SNAI3: variants seen among roughly 807,000 people sequenced by gnomAD.
The protein encoded by SNAI3 is zinc finger protein SNAI3.
In SNAI3, 21 loss-of-function variants were observed where a neutral mutation model predicts 16.4. The observed-to-expected ratio is 1.28, with a 90% CI of 0.91 to 1.85. The LOEUF (loss-of-function observed/expected upper bound fraction) is 1.85. Among genes scored for constraint, SNAI3 ranks in the 40% most tolerant of loss-of-function variants. SNAI3 has a pLI of 0.00. For synonymous variants in SNAI3, 202 were observed against 166.6 expected, an observed-to-expected ratio of 1.21 and a Z score of -1.64; for missense variants, 457 against 372.8, an observed-to-expected ratio of 1.23 and a Z score of -1.86.
chr16:88,686,150 G>C, intron 1 of SNAI3, 181 bp downstream of exon 1: 1 of 717,382 alleles, frequency 1.4e-6, no homozygotes, highest in Non-Finnish European at 2.2e-6. Context: ...GTGCCCTGAA[G>C]TGGAGGCGCC....
chr16:88,681,545 G>T lies in SNAI3; in HGVS notation c.246C>A (p.Ala82=), dbSNP rs1240393152. Residue 82 remains alanine (A), a synonymous_variant, in exon 2 of 3, where the codon GCC becomes GCA. Coordinates refer to ENST00000332281, the MANE Select transcript of SNAI3 (RefSeq NM_178310.4). The surrounding 1 kb of genome is among the most constrained non-coding windows in gnomAD (Gnocchi z 5.4). ...TGACTTCCAAGGCGTCCAGCCCAGA[G>T]GCCCCCAGAGCTTCCTCGATCCGTG... The part of the protein sequence containing the change: ...LLPRIEEALG[A]SGLDALEVSE... 2.6e-6 allele frequency: 4 copies of T among 1,516,644 alleles called. No homozygotes were observed. The highest frequency in any genetic ancestry group is 1.8e-4 in the Middle Eastern group (1 of 5,568). The allele number at this position is 1,516,644 out of a possible 1,614,324, so 93.9% of individuals were successfully genotyped here. A position where few individuals can be genotyped will look rare whatever the true frequency, so the allele number is the denominator to read the frequency against.
At position 88,678,542 on chromosome 16, in the gene SNAI3, G is replaced by A. The variant is rs752418440; in HGVS notation, c.785C>T (p.Ala262Val). The change falls in exon 3 of 3, where the codon GCC becomes GTC. Residue 262 changes from alanine (A) to valine (V), a missense_variant. Physicochemically the swap from Ala to Val is moderately conservative, Grantham distance 64. Transcript: ENST00000332281. ...GCAGCGCCGGCACCGGTACTTCTTG[G>A]CGTCTGAGTGCGTTTGCAGATGGGC... ...LRAHLQTHSDAKKYRCRRCTK... is the reference protein window; with the variant it reads ...LRAHLQTHSDVKKYRCRRCTK... 3 of 803,432 alleles carry A rather than the reference G, an allele frequency of 3.7e-6. No individual in the cohort carries two copies. Among genetic ancestry groups the A allele is most frequent in the South Asian group, 1.3e-5 (1 of 75,044 alleles). 49.8% of individuals were successfully genotyped at this position (803,432 alleles called of 1,614,324 possible).
At chr16:88,683,900 A>T (rs1017291190) in intron 1 of SNAI3, among the ~76,000 whole-genome samples, 1 of 152,164 alleles carries the variant, frequency 6.6e-6, no homozygotes, top group Non-Finnish European at 1.5e-5. Context: ...ACGATACACA[A>T]ATGGCCAATG....
At chr16:88,686,071 CT>C in intron 1 of SNAI3, 1 of 497,108 alleles carries the variant, frequency 2.0e-6, no homozygotes, top group South Asian at 2.6e-5. Context: ...GACTTGGGGG[CT>C]TAGAAAACTT....
At position 88,681,684 on chromosome 16, in the gene SNAI3, C is replaced by A. The variant is rs372774277; in HGVS notation, c.107G>T (p.Gly36Val). 1.4e-6 allele frequency: 2 copies of A among 1,471,548 alleles called. No homozygotes were observed. The highest frequency in any genetic ancestry group is 2.8e-5 in the African/African-American group (2 of 70,752). 91.2% of individuals were successfully genotyped at this position (1,471,548 alleles called of 1,614,324 possible). The change falls in exon 2 of 3, where the codon GGG becomes GTG. Residue 36 changes from glycine to valine, a missense_variant. Gly to Val is a moderately radical substitution (Grantham distance 109). Transcript: ENST00000332281. This position sits in a 1 kb window ranked among gnomAD's most constrained non-coding sequence, Gnocchi z 5.4. ...TCGGGGGAGGAGGGGCACCACCAGCCCCCCACAGGCAGAGCAGGCACCATT... is the reference window on the plus strand; with the variant it reads ...TCGGGGGAGGAGGGGCACCACCAGCACCCCACAGGCAGAGCAGGCACCATT... ...EINGACSACG[G>V]LVVPLLPRDK...
Position 88,678,462 on chromosome 16 carries a change from A to G in SNAI3, c.865T>C (p.Cys289Arg), listed in dbSNP as rs1441638684. The G allele has an allele frequency of 3.9e-6, 3 of 772,910 alleles. No individual in the cohort carries two copies. Among genetic ancestry groups the G allele is most frequent in the South Asian group, 2.7e-5 (2 of 74,556 alleles). 47.9% of individuals were successfully genotyped at this position (772,910 alleles called of 1,614,324 possible). A position where few individuals can be genotyped will look rare whatever the true frequency, so the allele number is the denominator to read the frequency against. The part of the protein sequence containing the change: ...LLARHEESGC[C>R]PGP ...CCACGTGCCTCTCAGGGGCCCGGGCAGCAGCCAGACTCCTCATGCCGCGCC... is the reference window on the plus strand; with the variant it reads ...CCACGTGCCTCTCAGGGGCCCGGGCGGCAGCCAGACTCCTCATGCCGCGCC... The change falls in exon 3 of 3, where the codon TGC (cysteine) becomes CGC (arginine). Residue 289 changes from cysteine to arginine, a missense_variant. Coordinates refer to ENST00000332281, the MANE Select transcript of SNAI3 (RefSeq NM_178310.4).
intron 1 of SNAI3, among the ~76,000 whole-genome samples, chr16:88,684,962 C>T (rs1441826196): frequency 2.6e-5 from 4 of 152,188 alleles, no homozygotes; most frequent in African/African-American, 9.6e-5. Flanking sequence ...GAAAGCCAGG[C>T]AGCTGGGGCT....
At position 88,678,580 on chromosome 16, in the gene SNAI3, G is replaced by T; in HGVS notation, c.747C>A (p.Arg249=). The change falls in exon 3 of 3, where the codon CGC becomes CGA. Residue 249 remains arginine, a synonymous_variant. Coordinates refer to ENST00000332281, the MANE Select transcript of SNAI3 (RefSeq NM_178310.4). ...TTTGCAGATGGGCCCGAAGGTTGGA[G>T]CGGTCGGCAAAGGCCCTGCTGCAGT... ...CSHCSRAFAD[R]SNLRAHLQTH... The T allele has an allele frequency of 1.1e-6, 1 of 947,344 alleles. No homozygotes were observed. Among genetic ancestry groups the T allele is most frequent in the Middle Eastern group, 2.1e-4 (1 of 4,792 alleles). The allele number at this position is 947,344 out of a possible 1,614,324, so 58.7% of individuals were successfully genotyped here.
chr16:88,682,762 A>ATTTTTTTTTT (rs71158747), intron 1 of SNAI3, among the ~76,000 whole-genome samples: 2,166 of 60,668 alleles, frequency 0.036, 444 homozygotes, highest in South Asian at 0.044. Flanking sequence ...TGGGCAAGGG[A>ATTTTTTTTTT]TTTTTTTTTT....
At position 88,681,485 on chromosome 16, in the gene SNAI3, A is replaced by C. The variant is rs761857855; in HGVS notation, c.306T>G (p.Ile102Met). ...GGTTCAGGCTGTCTTTGAGGGGTAC[A>C]ATGGCGGCCCGGCTGGCCCGAGGGT... ...EVDPRASRAA[I>M]VPLKDSLNHL... Residue 102 changes from isoleucine (I) to methionine (M), a missense_variant, in exon 2 of 3, where the codon ATT (isoleucine) becomes ATG (methionine). Physicochemically the swap from Ile to Met is conservative, Grantham distance 10. Coordinates refer to ENST00000332281, the MANE Select transcript of SNAI3 (RefSeq NM_178310.4). This position sits in a 1 kb window ranked among gnomAD's most constrained non-coding sequence, Gnocchi z 5.4. The C allele has an allele frequency of 1.9e-6, 3 of 1,565,774 alleles. No individual in the cohort carries two copies. The highest frequency in any genetic ancestry group is 2.6e-6 in the Non-Finnish European group (3 of 1,149,800).
intron 1 of SNAI3, among the ~76,000 whole-genome samples, chr16:88,682,107 C>G (rs941924830): frequency 5.3e-5 from 8 of 152,166 alleles, no homozygotes; most frequent in Non-Finnish European, 5.9e-5. Flanking sequence ...GGGGTCCCAG[C>G]CTGGGCCGGC....
In SNAI3 at chr16:88,686,434, T is replaced by TGGGCTGGGGC. The variant is rs1217721973; in HGVS notation, c.-38_-29dup. ...TCCCCTCCCGGGCGGCAGGCCGGGGTGGGCTGGGGCGGGAGGGGCGCGCCT... is the reference window on the plus strand; with the variant it reads ...TCCCCTCCCGGGCGGCAGGCCGGGGTGGGCTGGGGCGGGCTGGGGCGGGAGGGGCGCGCCT... On this transcript the variant is annotated 5_prime_UTR_variant, in exon 1 of 3. Coordinates refer to ENST00000332281, the MANE Select transcript of SNAI3 (RefSeq NM_178310.4). 6.2e-7 allele frequency: 1 copy of TGGGCTGGGGC among 1,603,584 alleles called. No individual in the cohort carries two copies. Among genetic ancestry groups the TGGGCTGGGGC allele is most frequent in the African/African-American group, 1.3e-5 (1 of 74,660 alleles).
chr16:88,681,838 G>A lies in SNAI3; in HGVS notation c.77-124C>T, dbSNP rs953026886. The A allele has an allele frequency of 2.0e-5, 23 of 1,142,924 alleles. No homozygotes were observed. Among genetic ancestry groups the A allele is most frequent in the Admixed American group, 7.4e-5 (2 of 26,926 alleles). 70.8% of individuals were successfully genotyped at this position (1,142,924 alleles called of 1,614,324 possible). On this transcript the variant is annotated intron_variant, in intron 1 of 2. Coordinates refer to ENST00000332281, the MANE Select transcript of SNAI3 (RefSeq NM_178310.4). This position sits in a 1 kb window ranked among gnomAD's most constrained non-coding sequence, Gnocchi z 5.4. ...GCAGCCTGGCGTGGGAGGTGTAGCC[G>A]GGAACCTGCATGCAGACCCAGCTTG...
Position 88,681,161 on chromosome 16 carries a change from G to C in SNAI3, c.630C>G (p.Thr210=), listed in dbSNP as rs759024778. The C allele has an allele frequency of 2.5e-6, 4 of 1,613,820 alleles. No individual in the cohort carries two copies. In the African/African-American group the frequency reaches 5.3e-5, roughly 22 times the overall value. The change falls in exon 2 of 3, where the codon ACC becomes ACG. Residue 210 remains threonine, a synonymous_variant. Transcript: ENST00000332281. This position sits in a 1 kb window ranked among gnomAD's most constrained non-coding sequence, Gnocchi z 5.4. ...AGAAGGCCTTGCCACAGATCTTGCA[G>C]GTGCAGGGCAGCGTGTGAGTGCGGA... ...MHIRTHTLPC[T]CKICGKAFSR... is the part of the protein sequence containing the mutation.
chr16:88,681,473 T>C lies in SNAI3; in HGVS notation c.318A>G (p.Lys106=), dbSNP rs1909166353. The C allele has an allele frequency of 6.3e-7, 1 of 1,585,150 alleles. No individual in the cohort carries two copies. The highest frequency in any genetic ancestry group is 8.6e-7 in the Non-Finnish European group (1 of 1,160,238). ...GCAGGTTGAGGTGGTTCAGGCTGTCTTTGAGGGGTACAATGGCGGCCCGGC... is the reference window on the plus strand; with the variant it reads ...GCAGGTTGAGGTGGTTCAGGCTGTCCTTGAGGGGTACAATGGCGGCCCGGC... ...RASRAAIVPL[K]DSLNHLNLPP... Residue 106 remains lysine, a synonymous_variant, in exon 2 of 3, where the codon AAA becomes AAG. Coordinates refer to ENST00000332281, the MANE Select transcript of SNAI3 (RefSeq NM_178310.4). The surrounding 1 kb of genome is among the most constrained non-coding windows in gnomAD (Gnocchi z 5.4).
At chr16:88,679,775 A>AAAAAAAAAAAAAG (rs1555545688) in intron 2 of SNAI3, among the ~76,000 whole-genome samples, 1 of 106,570 alleles carries the variant, frequency 9.4e-6, no homozygotes, top group Admixed American at 1.1e-4. Flanking sequence ...AAAAAAAAAA[A>AAAAAAAAAAAAAG]AAAAAAAGAA....
Position 88,681,355 on chromosome 16 carries a change from G to A in SNAI3, c.436C>T (p.Pro146Ser). The A allele has an allele frequency of 6.2e-7, 1 of 1,612,836 alleles. No homozygotes were observed. Among genetic ancestry groups the A allele is most frequent in the Non-Finnish European group, 8.5e-7 (1 of 1,179,728 alleles). Reference protein sequence around the residue: ...PEKLLGAERMPRAPGGFECFH... With the variant: ...PEKLLGAERMSRAPGGFECFH... The stretch of plus-strand genomic sequence containing the variant: ...CACTCAAAGCCGCCCGGGGCTCGGG[G>A]CATCCGCTCAGCCCCAAGCAGTTTT... Residue 146 changes from proline to serine, a missense_variant, in exon 2 of 3, where the codon CCC becomes TCC. Physicochemically the swap from Pro to Ser is moderately conservative, Grantham distance 74. Coordinates refer to ENST00000332281, the MANE Select transcript of SNAI3 (RefSeq NM_178310.4). The surrounding 1 kb of genome is among the most constrained non-coding windows in gnomAD (Gnocchi z 5.4).
At position 88,678,073 on chromosome 16, in the gene SNAI3, A is replaced by C; in HGVS notation, c.*375T>G. ...CATTTCTGCTGCAATGGAACTAGGC[A>C]GCCTTGCCAGCCATCCGGCGGCAGT... On this transcript the variant is annotated 3_prime_UTR_variant, in exon 3 of 3. Coordinates refer to ENST00000332281, the MANE Select transcript of SNAI3 (RefSeq NM_178310.4). The C allele has an allele frequency of 4.7e-6, 1 of 212,492 alleles. No homozygotes were observed. Among genetic ancestry groups the C allele is most frequent in the African/African-American group, 2.3e-5 (1 of 43,422 alleles). The allele number at this position is 212,492 out of a possible 1,614,324, so 13.2% of individuals were successfully genotyped here. A position where few individuals can be genotyped will look rare whatever the true frequency, so the allele number is the denominator to read the frequency against.
intron 2 of SNAI3, 61 bp from the exon 3 acceptor site, chr16:88,678,690 C>T (rs1909060867): frequency 6.5e-7 from 1 of 1,536,066 alleles, no homozygotes; most frequent in East Asian, 2.3e-5. Context: ...CTAAAGCACC[C>T]ACCCTGCCCA....
Sources: gnomAD v4.1 joint callset for allele counts (sites outside exome capture counted in the v4.1 genomes callset) on GRCh38, gnomAD v4.1.1 for gene constraint, Gnocchi (gnomAD v3.1) non-coding constraint, MANE v1.5 for transcripts, NCBI Gene and HGNC (gene_info 2026-07-23, HGNC 2026-07-21) for gene names.